The following MTMR3 variants were observed in gnomAD, a reference collection of about 807,000 sequenced individuals.
MTMR3 encodes the protein phosphatidylinositol-3,5-bisphosphate 3-phosphatase MTMR3.
MTMR3 carries 32 observed loss-of-function variants against 132.4 expected under a neutral mutation model. The ratio of observed to expected loss-of-function variants is 0.24; its 90% CI spans 0.18 to 0.32. MTMR3 has a LOEUF of 0.32. Among genes scored for constraint, MTMR3 ranks in the 10% least tolerant of loss-of-function variants. The pLI, the probability that MTMR3 is intolerant of heterozygous loss-of-function variation, is 1.00. For synonymous variants in MTMR3, 556 were observed against 550.3 expected, an observed-to-expected ratio of 1.01 and a Z score of -0.14; for missense variants, 1,216 against 1,489.6, an observed-to-expected ratio of 0.82 and a Z score of 3.02.
chr22:30,001,753 C>T (rs1343336079), intron 8 of MTMR3: 1 of 152,144 alleles, frequency 6.6e-6, no homozygotes, highest in Non-Finnish European at 1.5e-5. Flanking sequence ...TCATTACTGG[C>T]TCCCAGCTTA....
intron 1 of MTMR3, among the ~76,000 whole-genome samples, chr22:29,912,872 G>A (rs1458171647): frequency 6.6e-6 from 1 of 152,194 alleles, no homozygotes; most frequent in Non-Finnish European, 1.5e-5. Flanking sequence ...AACTGTTTTA[G>A]CTGGCTTGCC....
At chr22:29,986,873 T>C (rs1398326902) in intron 5 of MTMR3, 11 of 151,936 alleles carry the variant, frequency 7.2e-5, no homozygotes, top group Admixed American at 7.2e-4. Flanking sequence ...TGCACCAAAA[T>C]ACAGGCATGC....
intron 2 of MTMR3, among the ~76,000 whole-genome samples, chr22:29,966,726 C>CGTGCGTGTGTGTGT (rs1484648091): frequency 2.1e-5 from 3 of 142,856 alleles, no homozygotes; most frequent in Admixed American, 7.0e-5. Flanking sequence ...TAGGGGTGTG[C>CGTGCGTGTGTGTGT]GTGTGTGTGT....
intron 1 of MTMR3, among the ~76,000 whole-genome samples, chr22:29,920,981 T>TGGGGGGGGGGGGG (rs150260217): frequency 1.2e-5 from 1 of 81,054 alleles, no homozygotes; most frequent in Non-Finnish European, 2.2e-5. Context: ...TAGGGGGTGG[T>TGGGGGGGGGGGGG]GGGGGTGGCG....
intron 5 of MTMR3, chr22:29,982,301 G>GT (rs1483038667): frequency 6.7e-6 from 1 of 150,010 alleles, no homozygotes; most frequent in Non-Finnish European, 1.5e-5. Flanking sequence ...ATCACAGCTA[G>GT]TGCTAAGAGA....
chr22:29,897,570 G>C (rs5763585), intron 1 of MTMR3, among the ~76,000 whole-genome samples: 1 of 150,852 alleles, frequency 6.6e-6, no homozygotes, highest in African/African-American at 2.4e-5. Context: ...CTTGTGCCTC[G>C]GCCTTTTGAG....
chr22:29,997,276 T>C (rs1275266735), intron 7 of MTMR3: 1 of 152,224 alleles, frequency 6.6e-6, no homozygotes, highest in Non-Finnish European at 1.5e-5. Flanking sequence ...AAATGGGAAG[T>C]AGTTTAACAG....
At chr22:30,001,901 T>C (rs1778335375) in intron 8 of MTMR3, 1 of 152,166 alleles carries the variant, frequency 6.6e-6, no homozygotes, top group Non-Finnish European at 1.5e-5. Flanking sequence ...AGAGATTTAG[T>C]GCAAAATGAT....
chr22:30,010,698 A>G (rs2067396210), intron 12 of MTMR3: 1 of 152,236 alleles, frequency 6.6e-6, no homozygotes, highest in South Asian at 2.1e-4. Flanking sequence ...AAAGAACCTC[A>G]CACCGGTTCT....
At chr22:29,986,504 T>TTG (rs2066860966) in intron 5 of MTMR3, 2 of 855,172 alleles carry the variant, frequency 2.3e-6, no homozygotes, top group East Asian at 1.3e-4. Context: ...GTTTGTTTGT[T>TTG]TTTTTTTTTC....
chr22:29,937,307 T>G (rs950248157), intron 1 of MTMR3, among the ~76,000 whole-genome samples: 12 of 152,200 alleles, frequency 7.9e-5, no homozygotes, highest in Non-Finnish European at 1.5e-5. Context: ...GAGACTTCTT[T>G]CTTTACCATA....
At chr22:29,979,118 T>TC in intron 5 of MTMR3, 66 bp downstream of exon 5, 2 of 1,073,254 alleles carry the variant, frequency 1.9e-6, no homozygotes, top group South Asian at 2.5e-5. Context: ...AACTTAATGC[T>TC]CTCAAAGAGA....
rs571382542 is a variant in MTMR3 at position 29,978,610 on chromosome 22, C to T, written c.93+79C>T. ...GCAGAGTTAATGGATTTAAGTGTAA[C>T]GTACTATATTATATATATATATAAC... On this transcript the variant is annotated intron_variant, in intron 4 of 19. Transcript: ENST00000401950. 3.5e-5 allele frequency: 36 copies of T among 1,030,410 alleles called. 1 individual carries two copies. In the South Asian group the frequency reaches 3.5e-4, roughly 10 times the overall value. The allele number at this position is 1,030,410 out of a possible 1,614,324, so 63.8% of individuals were successfully genotyped here. A position where few individuals can be genotyped will look rare whatever the true frequency, so the allele number is the denominator to read the frequency against.
intron 2 of MTMR3, among the ~76,000 whole-genome samples, chr22:29,966,398 T>G (rs1181922431): frequency 6.6e-6 from 1 of 152,216 alleles, no homozygotes; most frequent in Non-Finnish European, 1.5e-5. Flanking sequence ...CATGGTCACT[T>G]AAGTCTCTCT....
chr22:29,907,762 T>G (rs1366105893), intron 1 of MTMR3, among the ~76,000 whole-genome samples: 1 of 152,128 alleles, frequency 6.6e-6, no homozygotes, highest in Non-Finnish European at 1.5e-5. Flanking sequence ...AACAAGTGAA[T>G]GGCTTGCTTG....
At chr22:30,007,052 T>C in intron 9 of MTMR3, 62 bp from the exon 10 acceptor site, 1 of 1,570,158 alleles carries the variant, frequency 6.4e-7, no homozygotes, top group Non-Finnish European at 8.7e-7. Flanking sequence ...TTAAAATCTA[T>C]TTTGTGTGAG....
chr22:29,943,791 A>G (rs992797571), intron 1 of MTMR3, among the ~76,000 whole-genome samples: 1 of 14,422 alleles, frequency 6.9e-5, no homozygotes, highest in African/African-American at 3.2e-4. Flanking sequence ...CCCCACCCCC[A>G]ATGCCAGCTC....
In MTMR3 at chr22:30,022,158, C is replaced by T. The variant is rs758231039; in HGVS notation, c.3336+19C>T. The stretch of plus-strand genomic sequence containing the variant: ...CACAGAGGTACAGGCTCAGCCCCTG[C>T]TCTGAGTGCCATCAATTTAACTGTT... On this transcript the variant is annotated intron_variant, in intron 18 of 19. Coordinates refer to ENST00000401950, the MANE Select transcript of MTMR3 (RefSeq NM_021090.4). 3 of 1,576,928 alleles carry T rather than the reference C, an allele frequency of 1.9e-6. No homozygotes were observed. Among genetic ancestry groups the T allele is most frequent in the Non-Finnish European group, 2.6e-6 (3 of 1,146,206 alleles).
intron 1 of MTMR3, among the ~76,000 whole-genome samples, chr22:29,936,239 T>C (rs2065747781): frequency 6.6e-6 from 1 of 152,214 alleles, no homozygotes; most frequent in South Asian, 2.1e-4. Flanking sequence ...TGTAACCCCA[T>C]AATGAATTTT....
Sources: allele counts gnomAD v4.1 joint callset (sites outside exome capture counted in the v4.1 genomes callset), GRCh38; gene constraint gnomAD v4.1.1; transcripts MANE v1.5; gene names NCBI Gene and HGNC (gene_info 2026-07-23, HGNC 2026-07-21).